Variants in MAGOHB observed in about 807,000 individuals in gnomAD.
MAGOHB encodes the protein mago homolog B, exon junction complex subunit, also known as protein mago nashi homolog 2.
A neutral mutation model predicts 20.9 loss-of-function variants in MAGOHB; 15 were observed. That is an observed-to-expected ratio of 0.72 (90% confidence interval 0.48 to 1.11). The LOEUF is 1.11. Ranked by LOEUF, MAGOHB falls within the 50% of genes least tolerant of loss-of-function variation. The pLI is 0.00. For synonymous variants in MAGOHB, 50 were observed against 57.9 expected (o/e 0.86, Z 0.62); for missense variants, 162 against 177.6 (o/e 0.91, Z 0.50).
chr12:10,602,106 C>T (rs1865559696), downstream of MAGOHB, among the ~76,000 whole-genome samples: 1 of 152,178 alleles, frequency 6.6e-6, no homozygotes, highest in South Asian at 2.1e-4. Flanking sequence ...TTTACATCCA[C>T]ATAGCTGGGG....
At position 10,604,274 on chromosome 12, in the gene MAGOHB, A is replaced by G. The variant is rs1865585905; in HGVS notation, c.*2001T>C. ...CAATAAAAATCTAGTTTCATATAAA[A>G]CTAGTATTATACAAAATTCAGTTTC... On this transcript the variant is annotated 3_prime_UTR_variant, in exon 5 of 5. Coordinates refer to ENST00000320756, the MANE Select transcript of MAGOHB (RefSeq NM_018048.5). 1 of 152,178 alleles carries G rather than the reference A, an allele frequency of 6.6e-6. No homozygotes were observed. The highest frequency in any genetic ancestry group is 2.1e-4 in the South Asian group (1 of 4,830). 9.4% of individuals were successfully genotyped at this position (152,178 alleles called of 1,614,324 possible). A position where few individuals can be genotyped will look rare whatever the true frequency, so the allele number is the denominator to read the frequency against.
chr12:10,600,851 T>C (rs1865547261), downstream of MAGOHB, among the ~76,000 whole-genome samples: 1 of 152,074 alleles, frequency 6.6e-6, no homozygotes, highest in Non-Finnish European at 1.5e-5. Context: ...GAGTGTGGGA[T>C]AGAGAGGCAC....
intron 3 of MAGOHB, 188 bp downstream of exon 3, chr12:10,609,643 C>T (rs768728083): frequency 1.4e-4 from 82 of 573,600 alleles, no homozygotes; most frequent in Non-Finnish European, 2.4e-4. Context: ...TATGCACTGA[C>T]TCCTTCACTA....
Position 10,606,188 on chromosome 12 carries a change from A to T in MAGOHB, c.*87T>A, listed in dbSNP as rs1555145672. On this transcript the variant is annotated 3_prime_UTR_variant, in exon 5 of 5. Coordinates refer to ENST00000320756, the MANE Select transcript of MAGOHB (RefSeq NM_018048.5). Reference sequence around the variant, plus strand: ...CATACAAATTTTTTTTGTTTGCTTCACATTCATAAAAACCCCAATACTGTA... The same window carrying T: ...CATACAAATTTTTTTTGTTTGCTTCTCATTCATAAAAACCCCAATACTGTA... 1.4e-6 allele frequency: 1 copy of T among 694,252 alleles called. No individual in the cohort carries two copies. Among genetic ancestry groups the T allele is most frequent in the Non-Finnish European group, 2.3e-6 (1 of 429,670 alleles). The allele number at this position is 694,252 out of a possible 1,614,324, so 43.0% of individuals were successfully genotyped here.
intron 1 of MAGOHB, among the ~76,000 whole-genome samples, chr12:10,611,747 C>CAAAAAAAAAAA (rs1042294332): frequency 3.6e-5 from 1 of 27,692 alleles, no homozygotes; most frequent in Non-Finnish European, 7.3e-5. Context: ...GACTCTGTCT[C>CAAAAAAAAAAA]AAAAAAAAAA....
At chr12:10,602,777 C>A (rs550366780), downstream of MAGOHB, among the ~76,000 whole-genome samples, 1 of 152,058 alleles carries the variant, frequency 6.6e-6, no homozygotes, top group Admixed American at 6.6e-5. Flanking sequence ...CTGACCATAC[C>A]GTTAGCTAGA....
At position 10,606,130 on chromosome 12, in the gene MAGOHB, A is replaced by G. The variant is rs528463773; in HGVS notation, c.*145T>C. 8 of 532,278 alleles carry G rather than the reference A, an allele frequency of 1.5e-5. No homozygotes were observed. Among genetic ancestry groups the G allele is most frequent in the Admixed American group, 1.2e-4 (3 of 25,942 alleles). 33.0% of individuals were successfully genotyped at this position (532,278 alleles called of 1,614,324 possible). On this transcript the variant is annotated 3_prime_UTR_variant, in exon 5 of 5. Transcript: ENST00000320756. The stretch of plus-strand genomic sequence containing the variant: ...TGGACTCAAGTAAGGATAACCATTA[A>G]GCTTGCTAATGTATTTTCTTATTTT...
At chr12:10,610,481 A>C in intron 2 of MAGOHB, 141 bp downstream of exon 2, 1 of 1,028,532 alleles carries the variant, frequency 9.7e-7, no homozygotes, top group Non-Finnish European at 1.3e-6. Context: ...TTTAAATGGA[A>C]ACTCTTTCAA....
chr12:10,600,957 G>C (rs1312326022), downstream of MAGOHB, among the ~76,000 whole-genome samples: 1 of 152,148 alleles, frequency 6.6e-6, no homozygotes, highest in Non-Finnish European at 1.5e-5. Flanking sequence ...TCTCCCAGAG[G>C]CTAATTTTAC....
chr12:10,606,695 T>C (rs1437251054), intron 4 of MAGOHB, among the ~76,000 whole-genome samples: 1 of 152,056 alleles, frequency 6.6e-6, no homozygotes, highest in Non-Finnish European at 1.5e-5. Flanking sequence ...TATAAACATT[T>C]TGATGTTTCT....
chr12:10,604,344 G>A lies in MAGOHB; in HGVS notation c.*1931C>T, dbSNP rs1865587122. Reference sequence around the variant, plus strand: ...GCAACTTACAATCAAATAAAAGACAGATCAAAGTATAAGAAAATTGTAGAC... The same window carrying A: ...GCAACTTACAATCAAATAAAAGACAAATCAAAGTATAAGAAAATTGTAGAC... On this transcript the variant is annotated 3_prime_UTR_variant, in exon 5 of 5. Coordinates refer to ENST00000320756, the MANE Select transcript of MAGOHB (RefSeq NM_018048.5). The A allele has an allele frequency of 6.6e-6, 1 of 151,830 alleles. No individual in the cohort carries two copies. Among genetic ancestry groups the A allele is most frequent in the Non-Finnish European group, 1.5e-5 (1 of 67,994 alleles). 9.4% of individuals were successfully genotyped at this position (151,830 alleles called of 1,614,324 possible).
At position 10,609,926 on chromosome 12, in the gene MAGOHB, T is replaced by G. The variant is rs749193466; in HGVS notation, c.169A>C (p.Ser57Arg). 5.0e-6 allele frequency: 8 copies of G among 1,600,516 alleles called. No individual in the cohort carries two copies. In the African/African-American group the frequency reaches 1.1e-4, roughly 22 times the overall value. ...MIRKEAYVHK[S>R]VMEELKRIID... ...ATTCTCTTCAGTTCTTCCATTACAC[T>G]CTTGTGCACATAAGCCTAAAAATTA... Residue 57 changes from serine to arginine, a missense_variant, in exon 3 of 5, where the codon AGT (serine) becomes CGT (arginine). Physicochemically the swap from Ser to Arg is moderately radical, Grantham distance 110 (BLOSUM62 -1). Coordinates refer to ENST00000320756, the MANE Select transcript of MAGOHB (RefSeq NM_018048.5).
At chr12:10,602,976 A>C (rs1865567240), downstream of MAGOHB, among the ~76,000 whole-genome samples, 1 of 152,228 alleles carries the variant, frequency 6.6e-6, no homozygotes, top group Non-Finnish European at 1.5e-5. Flanking sequence ...CCTCACCCAG[A>C]CAAGTTGCCA....
rs1017386224 is a variant in MAGOHB, at chr12:10,606,070, A to C, written c.*205T>G. The C allele has an allele frequency of 1.2e-5, 4 of 335,848 alleles. No homozygotes were observed. Among genetic ancestry groups the C allele is most frequent in the African/African-American group, 8.5e-5 (4 of 47,006 alleles). The allele number at this position is 335,848 out of a possible 1,614,324, so 20.8% of individuals were successfully genotyped here. A position where few individuals can be genotyped will look rare whatever the true frequency, so the allele number is the denominator to read the frequency against. On this transcript the variant is annotated 3_prime_UTR_variant, in exon 5 of 5. Transcript: ENST00000320756. ...TTAACAAAAGGTGGCTTTCATTTAC[A>C]GAATTTAATGTGTGTGGGGACTGTC...
At chr12:10,608,827 C>T (rs914108211) in intron 3 of MAGOHB, 11 of 152,126 alleles carry the variant, frequency 7.2e-5, no homozygotes, top group African/African-American at 2.4e-4. Flanking sequence ...GGAGAATTAG[C>T]TAAGATGCTC....
Position 10,606,303 on chromosome 12 carries a change from C to A in MAGOHB, c.419G>T (p.Gly140Val). 6.4e-7 allele frequency: 1 copy of A among 1,561,828 alleles called. No homozygotes were observed. Among genetic ancestry groups the A allele is most frequent in the Admixed American group, 1.8e-5 (1 of 54,490 alleles). Residue 140 changes from glycine to valine, a missense_variant, in exon 5 of 5, where the codon GGA becomes GTA. Transcript: ENST00000320756. ...AATTGGTTTAATCTTGAAGTGTAAT[C>A]CAATAAGACTGAAAACTAAACATTT... Reference protein sequence around the residue: ...DLKCLVFSLIGLHFKIKPI With the variant: ...DLKCLVFSLIVLHFKIKPI
chr12:10,603,583 A>G (rs1293012392), downstream of MAGOHB, among the ~76,000 whole-genome samples: 4 of 152,076 alleles, frequency 2.6e-5, no homozygotes, highest in East Asian at 7.7e-4. Flanking sequence ...GCAATTTAAG[A>G]GAAAATAGTT....
At chr12:10,610,577 CAAAAAAAAAAAAA>C in intron 2 of MAGOHB, 32 bp downstream of exon 2, 2 of 724,896 alleles carry the variant, frequency 2.8e-6, no homozygotes, top group Non-Finnish European at 1.7e-6. Flanking sequence ...GGGCTAAATG[CAAAAAAAAAAAAA>C]AAAAAAAAAA....
chr12:10,607,962 G>A (rs1192249378), intron 3 of MAGOHB, 26 bp from the exon 4 acceptor site: 4 of 1,367,228 alleles, frequency 2.9e-6, no homozygotes, highest in Non-Finnish European at 4.1e-6. Flanking sequence ...GAAAAATGTA[G>A]TTAATATAAA....
Sources: allele counts gnomAD v4.1 joint callset (sites outside exome capture counted in the v4.1 genomes callset), GRCh38; gene constraint gnomAD v4.1.1; transcripts MANE v1.5; gene names NCBI Gene and HGNC (gene_info 2026-07-23, HGNC 2026-07-21).